Variants in TENM3 observed in about 807,000 individuals in gnomAD.
The protein encoded by TENM3 is teneurin transmembrane protein 3, also known as teneurin-3.
In TENM3, 63 loss-of-function variants were observed where a neutral mutation model predicts 255.1. The observed-to-expected ratio is 0.25, with a 90% confidence interval of 0.20 to 0.30. The LOEUF (loss-of-function observed/expected upper bound fraction) is 0.30, where lower values mean the gene tolerates loss of function less well. TENM3 is among the 10% of genes least tolerant of loss of function. The pLI, the probability that TENM3 is intolerant of heterozygous loss-of-function variation, is 1.00. For synonymous variants in TENM3, 1,306 were observed against 1,322.3 expected, an observed-to-expected ratio of 0.99 and a Z score of 0.27; for missense variants, 2,929 against 3,461.1, an observed-to-expected ratio of 0.85 and a Z score of 3.86.
the TENM3 span, among the ~76,000 whole-genome samples, chr4:181,809,765 A>G: frequency 6.6e-6 from 1 of 152,244 alleles, no homozygotes; most frequent in South Asian, 2.1e-4. Flanking sequence ...CTGTAATCAC[A>G]AGGGTCCTTA....
the TENM3 span, among the ~76,000 whole-genome samples, chr4:182,132,052 T>A: frequency 6.6e-6 from 1 of 152,164 alleles, no homozygotes; most frequent in South Asian, 2.1e-4. Context: ...TTATCCTGAA[T>A]AGATGAATAA....
intron 3 of TENM3, among the ~76,000 whole-genome samples, chr4:182,375,311 A>G (rs1417702174): frequency 2.6e-5 from 4 of 152,144 alleles, no homozygotes; most frequent in African/African-American, 7.2e-5. Flanking sequence ...TTGTGTAGCA[A>G]TAAAGCCACA....
At chr4:181,623,986 T>G in the TENM3 span, among the ~76,000 whole-genome samples, 1 of 152,214 alleles carries the variant, frequency 6.6e-6, no homozygotes, top group Non-Finnish European at 1.5e-5. Flanking sequence ...TCCTTGCTCC[T>G]TTTTGAGCAC....
chr4:181,835,088 A>T, the TENM3 span: 1 of 152,204 alleles, frequency 6.6e-6, no homozygotes. Flanking sequence ...GGCTTGTCAA[A>T]GCCAGGTCAC....
chr4:182,072,366 G>A, the TENM3 span, among the ~76,000 whole-genome samples: 1 of 152,124 alleles, frequency 6.6e-6, no homozygotes. Flanking sequence ...GACTCATAGG[G>A]TACACTGTAG....
chr4:181,496,134 A>G, the TENM3 span, among the ~76,000 whole-genome samples: 37 of 152,174 alleles, frequency 2.4e-4, no homozygotes, highest in East Asian at 6.8e-3. Context: ...GAGCTGTCAC[A>G]GAAATGAACG....
chr4:182,669,532 A>T (rs1755028277), intron 6 of TENM3, among the ~76,000 whole-genome samples: 1 of 151,862 alleles, frequency 6.6e-6, no homozygotes, highest in Non-Finnish European at 1.5e-5. Flanking sequence ...AGCCTCCCAA[A>T]TTGCTAGGAT....
chr4:181,788,760 G>A, the TENM3 span, among the ~76,000 whole-genome samples: 2 of 152,114 alleles, frequency 1.3e-5, no homozygotes, highest in African/African-American at 2.4e-5. Context: ...ACCATGCTTA[G>A]CTAATTTTTT....
chr4:181,870,373 C>G, the TENM3 span, among the ~76,000 whole-genome samples: 1 of 152,132 alleles, frequency 6.6e-6, no homozygotes, highest in Admixed American at 6.6e-5. Flanking sequence ...TAGCTTATAA[C>G]ACACTGTCTA....
chr4:182,058,442 T>C, the TENM3 span, among the ~76,000 whole-genome samples: 1 of 152,218 alleles, frequency 6.6e-6, no homozygotes, highest in Non-Finnish European at 1.5e-5. Flanking sequence ...GTTTAGCAAC[T>C]TATTACATAT....
the TENM3 span, among the ~76,000 whole-genome samples, chr4:182,061,683 G>A: frequency 2.6e-5 from 4 of 152,110 alleles, no homozygotes; most frequent in African/African-American, 9.7e-5. Flanking sequence ...AAAGTGCTGG[G>A]CGTGGCTGCT....
chr4:181,615,753 T>A, the TENM3 span, among the ~76,000 whole-genome samples: 1 of 152,318 alleles, frequency 6.6e-6, no homozygotes, highest in East Asian at 1.9e-4. Flanking sequence ...ATATGTTAGT[T>A]GATTGTGTTC....
chr4:182,143,831 T>C (rs917635074), upstream of TENM3: 2 of 152,520 alleles, frequency 1.3e-5, no homozygotes, highest in African/African-American at 4.8e-5. This position sits in a 1 kb window ranked among gnomAD's most constrained non-coding sequence, Gnocchi z 4.3. Context: ...TGAAGTGTTA[T>C]TCACGGATGA....
the TENM3 span, among the ~76,000 whole-genome samples, chr4:181,773,000 A>C: frequency 1.6e-4 from 24 of 152,268 alleles, no homozygotes; most frequent in Non-Finnish European, 2.6e-4. Flanking sequence ...GCACCCCCCC[A>C]AAAAATATAA....
chr4:181,832,551 C>T, the TENM3 span, among the ~76,000 whole-genome samples: 3 of 152,184 alleles, frequency 2.0e-5, no homozygotes, highest in Admixed American at 1.3e-4. Flanking sequence ...TGGCTATTTC[C>T]AGGCTAAATA....
the TENM3 span, among the ~76,000 whole-genome samples, chr4:182,134,950 A>G: frequency 5.9e-5 from 9 of 151,980 alleles, 1 homozygote; most frequent in Admixed American, 5.2e-4. Flanking sequence ...GCTCACACCT[A>G]TAATCCCAGC....
At chr4:181,933,702 T>G in the TENM3 span, among the ~76,000 whole-genome samples, 7 of 152,180 alleles carry the variant, frequency 4.6e-5, no homozygotes, top group Admixed American at 4.6e-4. Flanking sequence ...TGGTGCTCAT[T>G]GTAACCAGAT....
the TENM3 span, among the ~76,000 whole-genome samples, chr4:181,544,919 T>C: frequency 1.3e-5 from 2 of 152,196 alleles, no homozygotes; most frequent in Admixed American, 6.5e-5. Flanking sequence ...TGCATGAGAA[T>C]ATGAAGTTTT....
the TENM3 span, among the ~76,000 whole-genome samples, chr4:181,755,152 C>T: frequency 6.6e-6 from 1 of 152,078 alleles, no homozygotes; most frequent in Non-Finnish European, 1.5e-5. Flanking sequence ...TAGACACTAG[C>T]CTGTGTTTAT....
Sources: allele counts gnomAD v4.1 joint callset (sites outside exome capture counted in the v4.1 genomes callset), GRCh38; gene constraint gnomAD v4.1.1; non-coding constraint Gnocchi (gnomAD v3.1); transcripts MANE v1.5; gene names NCBI Gene and HGNC (gene_info 2026-07-23, HGNC 2026-07-21).